The following WWP2 variants were observed in gnomAD, a reference collection of about 807,000 sequenced individuals.
WWP2 encodes WW domain containing E3 ubiquitin protein ligase 2.
In WWP2, 57 loss-of-function variants were observed where a neutral mutation model predicts 121.0. That is an observed-to-expected ratio of 0.47 (90% CI 0.38 to 0.59). The LOEUF is 0.59. Ranked by LOEUF, WWP2 falls within the 20% of genes least tolerant of loss-of-function variation. WWP2 has a pLI of 0.00. For synonymous variants in WWP2, 449 were observed against 441.3 expected (o/e 1.02, Z -0.22); for missense variants, 962 against 1,158.9 (o/e 0.83, Z 2.47).
At chr16:69,913,622 C>T (rs1447749558) in intron 9 of WWP2, among the ~76,000 whole-genome samples, 1 of 151,928 alleles carries the variant, frequency 6.6e-6, no homozygotes, top group Non-Finnish European at 1.5e-5. Context: ...AAAGGAAAAC[C>T]AGATTATAAT....
chr16:69,816,224 T>G (rs1407624325), intron 4 of WWP2, among the ~76,000 whole-genome samples: 2 of 152,084 alleles, frequency 1.3e-5, no homozygotes, highest in East Asian at 3.8e-4. Context: ...ACATTATTAT[T>G]AATATTTTGT....
At chr16:69,855,094 G>A (rs2057287017) in intron 6 of WWP2, among the ~76,000 whole-genome samples, 1 of 152,222 alleles carries the variant, frequency 6.6e-6, no homozygotes, top group South Asian at 2.1e-4. Flanking sequence ...CGATCCACCA[G>A]CCTTGGCCTT....
At chr16:69,938,696 C>T (rs575457544) in intron 21 of WWP2, among the ~76,000 whole-genome samples, 1 of 152,282 alleles carries the variant, frequency 6.6e-6, no homozygotes, top group African/African-American at 2.4e-5. Flanking sequence ...TGGAACATTT[C>T]ATCTCCCCAA....
chr16:69,779,778 C>T lies in WWP2; in HGVS notation c.-15-7218C>T, dbSNP rs775706283. Among the ~76,000 whole-genome samples, 10 of 152,140 alleles carry T rather than the reference C, an allele frequency of 6.6e-5. No homozygotes were observed. In the East Asian group the frequency reaches 1.2e-3, roughly 18 times the overall value. On this transcript the variant is annotated intron_variant, in intron 1 of 23. Coordinates refer to ENST00000359154, the MANE Select transcript of WWP2 (RefSeq NM_001270454.2). ...AAGTCTGTAAATAATGGATTTCCAG[C>T]GTTTAGTGCTTTAACCCCTGTTAAC...
intron 4 of WWP2, among the ~76,000 whole-genome samples, chr16:69,814,391 C>T (rs993155856): frequency 1.3e-5 from 2 of 152,112 alleles, no homozygotes; most frequent in African/African-American, 4.8e-5. Context: ...CAACTCAGCT[C>T]CACAGGGCTC....
intron 8 of WWP2, among the ~76,000 whole-genome samples, chr16:69,899,074 C>T (rs1358902088): frequency 6.6e-6 from 1 of 152,170 alleles, no homozygotes; most frequent in African/African-American, 2.4e-5. Flanking sequence ...ATATTTGCTC[C>T]CAGTCTGTGG....
At chr16:69,830,064 C>T (rs1053849817) in intron 4 of WWP2, among the ~76,000 whole-genome samples, 1 of 151,906 alleles carries the variant, frequency 6.6e-6, no homozygotes, top group Non-Finnish European at 1.5e-5. Flanking sequence ...AAGTGATTCT[C>T]CTGCCTCAGC....
intron 23 of WWP2, among the ~76,000 whole-genome samples, chr16:69,939,614 C>T (rs1363985545): frequency 6.6e-6 from 1 of 152,140 alleles, no homozygotes; most frequent in Non-Finnish European, 1.5e-5. Flanking sequence ...TTCCAGTAGT[C>T]CAAGAGCTAC....
At chr16:69,803,435 A>G (rs1567674904) in intron 4 of WWP2, among the ~76,000 whole-genome samples, 2 of 151,916 alleles carry the variant, frequency 1.3e-5, no homozygotes, top group South Asian at 2.1e-4. Context: ...ATGAATTCCT[A>G]TTTATGTCTA....
At position 69,835,804 on chromosome 16, in the gene WWP2, A is replaced by ATT. The variant is rs34492692; in HGVS notation, c.341-4307_341-4306dup. On this transcript the variant is annotated intron_variant, in intron 4 of 23. Transcript: ENST00000359154. ...ACATGCTCATATAAAACCAAAGTAA[A>ATT]TTTTTTTTTTTTTTTTGAGACAGAG... 8.8e-3 allele frequency among the ~76,000 whole-genome samples: 1,260 copies of ATT among 142,464 alleles called. 11 individuals carry two copies. Among genetic ancestry groups the ATT allele is most frequent in the African/African-American group, 0.018 (694 of 38,516 alleles). The allele number at this position is 142,464 out of a possible 152,430, so 93.5% of individuals were successfully genotyped here.
intron 11 of WWP2, among the ~76,000 whole-genome samples, chr16:69,928,010 A>G (rs2058664128): frequency 6.6e-6 from 1 of 152,002 alleles, no homozygotes; most frequent in South Asian, 2.1e-4. Context: ...TTACTGAGGT[A>G]TGATTGACAA....
chr16:69,857,213 C>G (rs1275760184), intron 6 of WWP2, among the ~76,000 whole-genome samples: 3 of 151,988 alleles, frequency 2.0e-5, no homozygotes, highest in Non-Finnish European at 2.9e-5. Flanking sequence ...AAGCGATTCT[C>G]CTGCCTCAGC....
At chr16:69,904,296 G>A (rs547293214) in intron 8 of WWP2, among the ~76,000 whole-genome samples, 16 of 152,166 alleles carry the variant, frequency 1.1e-4, no homozygotes, top group African/African-American at 3.1e-4. Flanking sequence ...TCTTGAGCTG[G>A]CAATATTGTT....
chr16:69,871,822 T>A lies in WWP2; in HGVS notation c.594T>A (p.Gly198=). The A allele has an allele frequency of 6.2e-7, 1 of 1,614,114 alleles. No homozygotes were observed. The highest frequency in any genetic ancestry group is 2.2e-5 in the East Asian group (1 of 44,886). Residue 198 remains glycine, a synonymous_variant, in exon 7 of 24, where the codon GGT becomes GGA. Transcript: ENST00000359154. ...CCCCCAGGACGCACAGACATTCGGG[T>A]GCTTCAGCCAGAACAACCCCAGCAA... is the stretch of plus-strand genomic sequence containing the variant. ...GGRSRTHRHS[G]ASARTTPATG... is the part of the protein sequence containing the mutation.
intron 2 of WWP2, among the ~76,000 whole-genome samples, chr16:69,789,727 C>T (rs1481897157): frequency 6.6e-6 from 1 of 152,208 alleles, no homozygotes; most frequent in Non-Finnish European, 1.5e-5. Context: ...TTTACCAGCA[C>T]AATGTTGTCA....
At chr16:69,863,945 G>A (rs2057473115) in intron 6 of WWP2, among the ~76,000 whole-genome samples, 1 of 152,094 alleles carries the variant, frequency 6.6e-6, no homozygotes, top group South Asian at 2.1e-4. Context: ...TACCACAGTT[G>A]GTCTACTCAT....
chr16:69,858,792 C>T (rs1050833184), intron 6 of WWP2, among the ~76,000 whole-genome samples: 2 of 152,194 alleles, frequency 1.3e-5, no homozygotes, highest in African/African-American at 4.8e-5. Flanking sequence ...GTTACTTACC[C>T]TCTAAGAATA....
At chr16:69,808,657 C>T (rs2056328780) in intron 4 of WWP2, among the ~76,000 whole-genome samples, 3 of 152,240 alleles carry the variant, frequency 2.0e-5, no homozygotes, top group Admixed American at 2.0e-4. Context: ...CTGCCTCGGC[C>T]TCCCAAAGTG....
chr16:69,834,979 G>C lies in WWP2; in HGVS notation c.341-5147G>C, dbSNP rs142484812. Among the ~76,000 whole-genome samples the C allele has an allele frequency of 3.9e-4, 59 of 152,236 alleles. 1 individual carries two copies. The East Asian group carries it at 7.7e-3, about 20-fold the overall frequency. On this transcript the variant is annotated intron_variant, in intron 4 of 23. Transcript: ENST00000359154. Reference sequence around the variant, plus strand: ...CCATCTTGTTCCTGTTGAGTCACTAGAATAGTAGGTGCTCAAGGCACGGAT... The same window carrying C: ...CCATCTTGTTCCTGTTGAGTCACTACAATAGTAGGTGCTCAAGGCACGGAT...
Sources: gnomAD v4.1 joint callset for allele counts (sites outside exome capture counted in the v4.1 genomes callset) on GRCh38, gnomAD v4.1.1 for gene constraint, MANE v1.5 for transcripts, NCBI Gene and HGNC (gene_info 2026-07-23, HGNC 2026-07-21) for gene names.